SPAG6: variants seen among roughly 807,000 people sequenced by gnomAD.
The protein encoded by SPAG6 is sperm associated antigen 6, also known as sperm-associated antigen 6.
A neutral mutation model predicts 58.5 loss-of-function variants in SPAG6; 49 were observed. The ratio of observed to expected loss-of-function variants is 0.84; its 90% CI spans 0.67 to 1.06. The LOEUF (loss-of-function observed/expected upper bound fraction) is 1.06. Among genes scored for constraint, SPAG6 ranks in the 50% least tolerant of loss-of-function variants. The probability of loss-of-function intolerance (pLI) is 0.00; values close to 1 mark genes in which losing one functional copy is unlikely to be tolerated. For missense variants in SPAG6, 560 were observed against 611.3 expected (o/e 0.92, Z 0.89); for synonymous variants, 233 against 225.6 (o/e 1.03, Z -0.29).
chr10:22,391,761 A>G lies in SPAG6; in HGVS notation c.1038A>G (p.Glu346=). The G allele has an allele frequency of 6.2e-7, 1 of 1,613,540 alleles. No homozygotes were observed. The highest frequency in any genetic ancestry group is 1.1e-5 in the South Asian group (1 of 91,072). ...CCCAGTTGTCAGTCTGCTTGTCAGA[A>G]GAACCGGAAGATCATATTAAGGCTG... ...GVPQLSVCLS[E]EPEDHIKAAA... Residue 346 remains glutamate, a synonymous_variant, in exon 8 of 11, where the codon GAA becomes GAG. Transcript: ENST00000376624.
rs747289906 is a variant in SPAG6 at position 22,365,028 on chromosome 10, TAAA to T, written c.288+15_288+17del. 2 of 1,562,354 alleles carry T rather than the reference TAAA, an allele frequency of 1.3e-6. No individual in the cohort carries two copies. The highest frequency in any genetic ancestry group is 1.7e-6 in the Non-Finnish European group (2 of 1,155,530). On this transcript the variant is annotated intron_variant, in intron 3 of 10. Coordinates refer to ENST00000376624, the MANE Select transcript of SPAG6 (RefSeq NM_012443.4). ...CATTGGCAGAACAGAATGTAAGAAT[TAAA>T]AAAAACTAGTTATATGTTTTTTTGT... is the stretch of plus-strand genomic sequence containing the variant.
At position 22,361,814 on chromosome 10, in the gene SPAG6, A is replaced by G. The variant is rs76682391; in HGVS notation, c.122-3039A>G. On this transcript the variant is annotated intron_variant, in intron 2 of 10. Coordinates refer to ENST00000376624, the MANE Select transcript of SPAG6 (RefSeq NM_012443.4). ...TCAGGAGATTTGTGATAGATTAAAT[A>G]CTATAATAAACACTTAAAATTAAAT... Among the ~76,000 whole-genome samples the G allele has an allele frequency of 6.5e-3, 991 of 151,994 alleles. 7 individuals carry two copies. Among genetic ancestry groups the G allele is most frequent in the Admixed American group, 0.018 (272 of 15,266 alleles).
rs546172800 is a variant in SPAG6, at chr10:22,411,840, C to CTTTTTTTTTTTT, written c.1460+679_1460+690dup. ...AAGAGAATGATTTAAACAACTGAAT[C>CTTTTTTTTTTTT]TTTTTTTTTTTTTTTTTTTTTTTTT... On this transcript the variant is annotated intron_variant, in intron 10 of 10. Coordinates refer to ENST00000376624, the MANE Select transcript of SPAG6 (RefSeq NM_012443.4). Among the ~76,000 whole-genome samples the CTTTTTTTTTTTT allele has an allele frequency of 1.2e-3, 81 of 66,790 alleles. 9 individuals carry two copies. The highest frequency in any genetic ancestry group is 4.5e-3 in the African/African-American group (78 of 17,144). 43.8% of individuals were successfully genotyped at this position (66,790 alleles called of 152,430 possible). A position where few individuals can be genotyped will look rare whatever the true frequency, so the allele number is the denominator to read the frequency against.
chr10:22,362,130 A>G (rs905478184), intron 2 of SPAG6, among the ~76,000 whole-genome samples: 27 of 145,738 alleles, frequency 1.9e-4, no homozygotes, highest in Admixed American at 1.7e-3. Context: ...TATGTATTTT[A>G]TATATTTATT....
chr10:22,401,402 C>T, intron 9 of SPAG6, 125 bp downstream of exon 9: 2 of 652,372 alleles, frequency 3.1e-6, no homozygotes, highest in Admixed American at 2.9e-5. Flanking sequence ...TAACTCTCAC[C>T]AATCTGTATG....
At chr10:22,346,679 A>AT (rs1836567906) in intron 2 of SPAG6, among the ~76,000 whole-genome samples, 1 of 152,048 alleles carries the variant, frequency 6.6e-6, no homozygotes, top group Non-Finnish European at 1.5e-5. Flanking sequence ...AACAATTAAC[A>AT]TGTTGACAGC....
intron 9 of SPAG6, among the ~76,000 whole-genome samples, chr10:22,402,742 G>C (rs1452571498): frequency 6.6e-6 from 1 of 152,148 alleles, no homozygotes; most frequent in African/African-American, 2.4e-5. Context: ...GCAGAGAAAA[G>C]ACTAAATTAC....
intron 2 of SPAG6, among the ~76,000 whole-genome samples, chr10:22,363,602 A>G (rs1252666041): frequency 1.3e-5 from 2 of 152,214 alleles, no homozygotes; most frequent in African/African-American, 4.8e-5. Context: ...TGTCTGTGAT[A>G]AGCATCACCG....
At chr10:22,413,287 A>C (rs1259939965) in intron 10 of SPAG6, among the ~76,000 whole-genome samples, 1 of 151,974 alleles carries the variant, frequency 6.6e-6, no homozygotes, top group Non-Finnish European at 1.5e-5. Context: ...TAATCTCAGC[A>C]CTTTGGGAGG....
intron 4 of SPAG6, among the ~76,000 whole-genome samples, chr10:22,381,757 T>C (rs1413564320): frequency 1.3e-5 from 2 of 152,342 alleles, no homozygotes; most frequent in African/African-American, 2.4e-5. Context: ...CCAGTCAACA[T>C]AGAGTTATTT....
In SPAG6 at chr10:22,345,809, C is replaced by A; in HGVS notation, c.112C>A (p.Gln38Lys). 1.2e-6 allele frequency: 2 copies of A among 1,613,258 alleles called. No individual in the cohort carries two copies. Among genetic ancestry groups the A allele is most frequent in the Non-Finnish European group, 1.7e-6 (2 of 1,179,658 alleles). Reference sequence around the variant, plus strand: ...TAGACCCCAAAACATCGAGACGCTGCAGAACGCGGGTGAGCCCGGAGCCCG... The same window carrying A: ...TAGACCCCAAAACATCGAGACGCTGAAGAACGCGGGTGAGCCCGGAGCCCG... ...ATRPQNIETL[Q>K]NAGVMSLLRT... The change falls in exon 2 of 11, where the codon CAG (glutamine) becomes AAG (lysine). Residue 38 changes from glutamine (Q) to lysine (K), a missense_variant. Transcript: ENST00000376624. This position sits in a 1 kb window ranked among gnomAD's most constrained non-coding sequence, Gnocchi z 6.3.
intron 10 of SPAG6, among the ~76,000 whole-genome samples, chr10:22,416,298 A>G (rs1290389357): frequency 6.6e-6 from 1 of 152,134 alleles, no homozygotes; most frequent in Non-Finnish European, 1.5e-5. Context: ...AACATTAGCC[A>G]CTTGATGTGA....
At chr10:22,374,445 A>G (rs1833770896) in intron 4 of SPAG6, among the ~76,000 whole-genome samples, 1 of 152,100 alleles carries the variant, frequency 6.6e-6, no homozygotes, top group Admixed American at 6.5e-5. Context: ...TATATAATGC[A>G]TTGAGTGACT....
rs1172190082 is a variant in SPAG6 at position 22,368,647 on chromosome 10, G to C, written c.441G>C (p.Trp147Cys). The C allele has an allele frequency of 1.7e-5, 27 of 1,613,424 alleles. No individual in the cohort carries two copies. The highest frequency in any genetic ancestry group is 2.3e-5 in the Non-Finnish European group (27 of 1,179,804). ...FDPGVKEAAA[W>C]ALRYIARHNA... ...CTGGAGTCAAGGAGGCTGCAGCCTG[G>C]GCACTTAGATATATTGCAAGACATA... Residue 147 changes from tryptophan to cysteine, a missense_variant, in exon 4 of 11, where the codon TGG becomes TGC. Transcript: ENST00000376624.
intron 4 of SPAG6, among the ~76,000 whole-genome samples, chr10:22,385,854 G>A (rs1030890791): frequency 6.6e-6 from 1 of 152,132 alleles, no homozygotes; most frequent in Non-Finnish European, 1.5e-5. Context: ...AACATATTTT[G>A]AAAGGAAGAG....
chr10:22,389,525 A>G (rs1446222699), intron 7 of SPAG6, among the ~76,000 whole-genome samples: 2 of 152,242 alleles, frequency 1.3e-5, no homozygotes, highest in African/African-American at 4.8e-5. Flanking sequence ...TCAACAGGAT[A>G]TCAACTATTT....
chr10:22,378,749 G>T (rs1833882433), intron 4 of SPAG6, among the ~76,000 whole-genome samples: 1 of 151,886 alleles, frequency 6.6e-6, no homozygotes, highest in African/African-American at 2.4e-5. Context: ...AAGTGTTTTT[G>T]TTTTGTTTTT....
In SPAG6 at chr10:22,401,227, T is replaced by C. The variant is rs535467437; in HGVS notation, c.1264T>C (p.Tyr422His). 2.8e-5 allele frequency: 45 copies of C among 1,608,294 alleles called. No homozygotes were observed. The South Asian group carries it at 4.8e-4, about 17-fold the overall frequency. Residue 422 changes from tyrosine (Y) to histidine (H), a missense_variant, in exon 9 of 11, where the codon TAT (tyrosine) becomes CAT (histidine). By Grantham distance (83) the Tyr-to-His change is moderately conservative. Transcript: ENST00000376624. The stretch of plus-strand genomic sequence containing the variant: ...CTTACCAGCCCTTGAACCATTTCTA[T>C]ATGATGCTCCTCCCAATATTCTGAA... ...TYLPALEPFL[Y>H]DAPPNILKHV...
chr10:22,398,849 C>T (rs921548256), intron 8 of SPAG6, among the ~76,000 whole-genome samples: 1 of 151,960 alleles, frequency 6.6e-6, no homozygotes, highest in Non-Finnish European at 1.5e-5. Flanking sequence ...GACAGAGTCT[C>T]ACTCTGTTGC....
Sources: gnomAD v4.1 joint callset for allele counts (sites outside exome capture counted in the v4.1 genomes callset) on GRCh38, gnomAD v4.1.1 for gene constraint, Gnocchi (gnomAD v3.1) non-coding constraint, MANE v1.5 for transcripts, NCBI Gene and HGNC (gene_info 2026-07-23, HGNC 2026-07-21) for gene names.